CDKAL1: variants seen among roughly 807,000 people sequenced by gnomAD.
CDKAL1 encodes the protein CDKAL1 threonylcarbamoyladenosine tRNA methylthiotransferase.
In CDKAL1, 32 loss-of-function variants were observed where a neutral mutation model predicts 68.2. The ratio of observed to expected loss-of-function variants is 0.47; its 90% CI spans 0.35 to 0.63. The LOEUF (loss-of-function observed/expected upper bound fraction) is 0.63. Among genes scored for constraint, CDKAL1 ranks in the 30% least tolerant of loss-of-function variants. The pLI, the probability that CDKAL1 is intolerant of heterozygous loss-of-function variation, is 0.00. For synonymous variants in CDKAL1, 234 were observed against 244.3 expected (o/e 0.96, Z 0.39); for missense variants, 606 against 696.7 (o/e 0.87, Z 1.47).
At chr6:20,661,691 G>C (rs1422991781) in intron 5 of CDKAL1, among the ~76,000 whole-genome samples, 1 of 152,038 alleles carries the variant, frequency 6.6e-6, no homozygotes, top group East Asian at 1.9e-4. Context: ...GAGGTGGTAG[G>C]CCATTTTAAA....
intron 11 of CDKAL1, among the ~76,000 whole-genome samples, chr6:21,010,811 C>T (rs12197742): frequency 0.27 from 41,493 of 152,026 alleles, 6,193 homozygotes; most frequent in Middle Eastern, 0.35. Flanking sequence ...GGGCTGGGCG[C>T]GATGGTTCAC....
chr6:21,046,575 C>G (rs956000440), intron 11 of CDKAL1, among the ~76,000 whole-genome samples: 1 of 152,256 alleles, frequency 6.6e-6, no homozygotes, highest in African/African-American at 2.4e-5. Context: ...ACAGGCCAGC[C>G]AGGCGTGGCG....
chr6:20,874,498 T>A (rs1187452235), intron 9 of CDKAL1, among the ~76,000 whole-genome samples: 2 of 151,716 alleles, frequency 1.3e-5, no homozygotes, highest in African/African-American at 4.8e-5. Flanking sequence ...ATTTTATTTA[T>A]TTGTTTGTTT....
At chr6:20,684,520 G>C (rs1770529891) in intron 5 of CDKAL1, among the ~76,000 whole-genome samples, 1 of 152,154 alleles carries the variant, frequency 6.6e-6, no homozygotes, top group African/African-American at 2.4e-5. Context: ...AACTCTTCTG[G>C]GAGGGCAAAA....
chr6:20,952,469 G>A (rs897898049), intron 9 of CDKAL1, among the ~76,000 whole-genome samples: 5 of 152,158 alleles, frequency 3.3e-5, no homozygotes, highest in Non-Finnish European at 5.9e-5. Context: ...GGTCCAGGAC[G>A]TTAGTCAGTG....
intron 12 of CDKAL1, among the ~76,000 whole-genome samples, chr6:21,068,909 A>C (rs1182005038): frequency 6.6e-6 from 1 of 152,108 alleles, no homozygotes; most frequent in Non-Finnish European, 1.5e-5. Flanking sequence ...TTCTCTGTAT[A>C]TGTCTTACAT....
At chr6:20,798,232 G>A (rs948604757) in intron 8 of CDKAL1, among the ~76,000 whole-genome samples, 1 of 152,118 alleles carries the variant, frequency 6.6e-6, no homozygotes, top group African/African-American at 2.4e-5. Flanking sequence ...GAGTGTTTGG[G>A]TAAGGGTATA....
At chr6:20,849,923 G>C (rs1236033241) in intron 9 of CDKAL1, among the ~76,000 whole-genome samples, 3 of 151,966 alleles carry the variant, frequency 2.0e-5, no homozygotes, top group Non-Finnish European at 2.9e-5. Flanking sequence ...TCTTTTTTCT[G>C]CAAAAGACAT....
chr6:20,756,562 T>A (rs1185235030), intron 6 of CDKAL1: 1 of 152,210 alleles, frequency 6.6e-6, no homozygotes, highest in East Asian at 1.9e-4. Context: ...AACCAGGGCC[T>A]AATGGTTCCA....
At chr6:20,741,267 A>G (rs770183949) in intron 6 of CDKAL1, among the ~76,000 whole-genome samples, 10 of 150,814 alleles carry the variant, frequency 6.6e-5, no homozygotes, top group Admixed American at 4.0e-4. Flanking sequence ...GCAGATAAAC[A>G]TTTTTTTTTC....
chr6:20,800,136 C>T (rs887196219), intron 8 of CDKAL1, among the ~76,000 whole-genome samples: 1 of 139,848 alleles, frequency 7.2e-6, no homozygotes, highest in Non-Finnish European at 1.5e-5. Context: ...CCAGCATATA[C>T]ATGCTCAGCA....
intron 10 of CDKAL1, among the ~76,000 whole-genome samples, chr6:20,988,690 G>A (rs574849773): frequency 2.8e-4 from 43 of 151,598 alleles, no homozygotes; most frequent in Non-Finnish European, 5.3e-4. Flanking sequence ...TCGCTCTGTC[G>A]CCAGGCTGGA....
At chr6:21,120,000 C>G (rs1203140258) in intron 13 of CDKAL1, among the ~76,000 whole-genome samples, 1 of 152,190 alleles carries the variant, frequency 6.6e-6, no homozygotes, top group East Asian at 1.9e-4. Context: ...TCCTTCAAGA[C>G]CCAGTTTAAT....
chr6:20,683,975 G>A (rs1200734231), intron 5 of CDKAL1, among the ~76,000 whole-genome samples: 2 of 152,080 alleles, frequency 1.3e-5, no homozygotes, highest in African/African-American at 2.4e-5. Context: ...AGCTTTTTTG[G>A]ATGGGTTCCT....
chr6:21,006,233 A>T (rs938676349), intron 11 of CDKAL1, among the ~76,000 whole-genome samples: 2 of 152,234 alleles, frequency 1.3e-5, no homozygotes, highest in Admixed American at 1.3e-4. Context: ...TGCCTTATTC[A>T]TCTAGTTTTA....
At chr6:21,122,521 GT>G (rs1347894390) in intron 13 of CDKAL1, among the ~76,000 whole-genome samples, 4 of 152,104 alleles carry the variant, frequency 2.6e-5, no homozygotes, top group Non-Finnish European at 5.9e-5. Flanking sequence ...CTTTGCTTTG[GT>G]TAGTTTGGTT....
At chr6:20,742,413 C>A (rs1035735297) in intron 6 of CDKAL1, among the ~76,000 whole-genome samples, 3 of 151,844 alleles carry the variant, frequency 2.0e-5, no homozygotes, top group African/African-American at 7.2e-5. Flanking sequence ...GAAATAAAAT[C>A]TATATTTCTA....
chr6:20,788,379 C>T (rs190573703), intron 8 of CDKAL1, among the ~76,000 whole-genome samples: 5 of 152,280 alleles, frequency 3.3e-5, no homozygotes, highest in East Asian at 1.9e-4. Flanking sequence ...ATTTGCACAC[C>T]GTAAGGTGAG....
intron 5 of CDKAL1, among the ~76,000 whole-genome samples, chr6:20,731,844 A>G (rs898857566): frequency 1.3e-5 from 2 of 152,068 alleles, no homozygotes; most frequent in African/African-American, 4.8e-5. Flanking sequence ...CTCATAAGTA[A>G]CCAGTCTCAT....
Sources: gnomAD v4.1 joint callset for allele counts (sites outside exome capture counted in the v4.1 genomes callset) on GRCh38, gnomAD v4.1.1 for gene constraint, MANE v1.5 for transcripts, NCBI Gene and HGNC (gene_info 2026-07-23, HGNC 2026-07-21) for gene names.